Variants in RIN2 observed in about 807,000 individuals in gnomAD.
RIN2 encodes Ras and Rab interactor 2.
Under a neutral mutation model 78.0 loss-of-function variants are expected in RIN2, and 36 were observed. The ratio of observed to expected loss-of-function variants is 0.46; its 90% CI spans 0.35 to 0.61. The LOEUF (loss-of-function observed/expected upper bound fraction) is 0.61. Ranked by LOEUF, RIN2 falls within the 20% of genes least tolerant of loss-of-function variation. RIN2 has a pLI of 0.00. For synonymous variants in RIN2, 466 were observed against 466.8 expected, an observed-to-expected ratio of 1.00 and a Z score of 0.02; for missense variants, 1,087 against 1,159.7, an observed-to-expected ratio of 0.94 and a Z score of 0.91.
chr20:19,895,149 C>G (rs2038663927), intron 3 of RIN2, among the ~76,000 whole-genome samples: 1 of 152,156 alleles, frequency 6.6e-6, no homozygotes, highest in African/African-American at 2.4e-5. Flanking sequence ...GGGCTGGTAT[C>G]TTCCTTTAGT....
chr20:19,876,392 C>T (rs1348004254), intron 2 of RIN2, among the ~76,000 whole-genome samples: 1 of 151,772 alleles, frequency 6.6e-6, no homozygotes, highest in African/African-American at 2.4e-5. Context: ...AAGGGGTAGA[C>T]TATAATTCAA....
intron 2 of RIN2, among the ~76,000 whole-genome samples, chr20:19,881,222 G>A (rs143057550): frequency 6.6e-6 from 1 of 152,186 alleles, no homozygotes; most frequent in Non-Finnish European, 1.5e-5. Context: ...AACTTTCCAA[G>A]TCTGTTGATG....
intron 2 of RIN2, among the ~76,000 whole-genome samples, chr20:19,868,352 G>T (rs368230235): frequency 1.3e-5 from 2 of 152,212 alleles, no homozygotes; most frequent in African/African-American, 4.8e-5. Flanking sequence ...CATGTGGCTT[G>T]AGTAACAGGG....
chr20:19,793,308 AC>A (rs2034947133), intron 1 of RIN2, among the ~76,000 whole-genome samples: 1 of 152,236 alleles, frequency 6.6e-6, no homozygotes, highest in Non-Finnish European at 1.5e-5. Flanking sequence ...TTTTCTACTT[AC>A]AAAGCATTCC....
intron 2 of RIN2, among the ~76,000 whole-genome samples, chr20:19,868,586 T>C (rs2037581809): frequency 6.6e-6 from 1 of 152,044 alleles, no homozygotes; most frequent in African/African-American, 2.4e-5. Context: ...GGGCAGACCG[T>C]GAACATTCGA....
At chr20:19,961,853 A>G (rs1188360025) in intron 6 of RIN2, among the ~76,000 whole-genome samples, 1 of 152,200 alleles carries the variant, frequency 6.6e-6, no homozygotes, top group Non-Finnish European at 1.5e-5. Context: ...AACCCAGCCA[A>G]TAATGTAAAT....
intron 2 of RIN2, chr20:19,886,521 C>A (rs1311802098): frequency 1.7e-6 from 1 of 579,312 alleles, no homozygotes; most frequent in South Asian, 2.4e-5. Flanking sequence ...CGTTTACATT[C>A]TTTCAGTGGT....
intron 5 of RIN2, among the ~76,000 whole-genome samples, chr20:19,959,634 A>T (rs867281717): frequency 1.3e-5 from 2 of 152,248 alleles, no homozygotes; most frequent in Non-Finnish European, 1.5e-5. Flanking sequence ...AGCAAAGATT[A>T]GGCAGGGAAA....
intron 4 of RIN2, among the ~76,000 whole-genome samples, chr20:19,936,252 C>T (rs1328879315): frequency 6.6e-6 from 1 of 152,208 alleles, no homozygotes; most frequent in Non-Finnish European, 1.5e-5. Flanking sequence ...GATGGTCCCC[C>T]TGCTCCTTGC....
chr20:19,887,117 C>T (rs1210725878), intron 2 of RIN2, among the ~76,000 whole-genome samples: 3 of 151,848 alleles, frequency 2.0e-5, no homozygotes. Flanking sequence ...CCTCAATCTC[C>T]TGGGCTCAAG....
chr20:19,905,267 G>A (rs2123677208), intron 3 of RIN2, among the ~76,000 whole-genome samples: 1 of 152,298 alleles, frequency 6.6e-6, no homozygotes, highest in South Asian at 2.1e-4. Context: ...GCAGACTCCT[G>A]TCATGTGCAT....
chr20:19,934,402 A>T, intron 3 of RIN2: 1 of 866,886 alleles, frequency 1.2e-6, no homozygotes, highest in Non-Finnish European at 1.4e-6. Flanking sequence ...GAAAGATTTT[A>T]GACCAGCCTG....
At position 19,886,803 on chromosome 20, in the gene RIN2, T is replaced by C. The variant is rs1369032158; in HGVS notation, c.-36-2763T>C. 2.1e-6 allele frequency: 3 copies of C among 1,417,804 alleles called. No homozygotes were observed. In the African/African-American group the frequency reaches 4.3e-5, roughly 20 times the overall value. 87.8% of individuals were successfully genotyped at this position (1,417,804 alleles called of 1,614,324 possible). On this transcript the variant is annotated intron_variant, in intron 2 of 12. Transcript: ENST00000255006. ...ACGGTACCCTTTTTGTTTCTTAGTCTAGCCTGTTACTGGGATGGTTTTAGG... is the reference window on the plus strand; with the variant it reads ...ACGGTACCCTTTTTGTTTCTTAGTCCAGCCTGTTACTGGGATGGTTTTAGG...
At chr20:19,767,632 C>T (rs747852342) in intron 1 of RIN2, among the ~76,000 whole-genome samples, 3 of 151,938 alleles carry the variant, frequency 2.0e-5, no homozygotes, top group African/African-American at 4.8e-5. Flanking sequence ...ACTTAGAATG[C>T]GAGGCTCCTG....
At chr20:19,820,193 G>A (rs1335728777) in intron 2 of RIN2, among the ~76,000 whole-genome samples, 2 of 152,104 alleles carry the variant, frequency 1.3e-5, no homozygotes, top group African/African-American at 4.8e-5. Flanking sequence ...CTTGTTTTGT[G>A]ACAGTTATAA....
chr20:19,886,736 C>T, intron 2 of RIN2: 1 of 1,548,604 alleles, frequency 6.5e-7, no homozygotes, highest in Non-Finnish European at 8.7e-7. Flanking sequence ...AACAAGCTTC[C>T]AACCGGTACA....
intron 3 of RIN2, among the ~76,000 whole-genome samples, chr20:19,910,414 C>T (rs1452970252): frequency 6.6e-6 from 1 of 152,042 alleles, no homozygotes; most frequent in Non-Finnish European, 1.5e-5. Flanking sequence ...CTCAAGTCGT[C>T]TGTTCACCTT....
At chr20:19,844,411 C>A (rs2036669931) in intron 2 of RIN2, among the ~76,000 whole-genome samples, 1 of 152,140 alleles carries the variant, frequency 6.6e-6, no homozygotes, top group South Asian at 2.1e-4. Flanking sequence ...AGCATGCAAC[C>A]ATATTGCTTT....
intron 3 of RIN2, among the ~76,000 whole-genome samples, chr20:19,905,544 G>A (rs939982687): frequency 6.6e-6 from 1 of 152,070 alleles, no homozygotes; most frequent in Non-Finnish European, 1.5e-5. Flanking sequence ...TCAACACAGT[G>A]AGACCCCATC....
Sources: allele counts gnomAD v4.1 joint callset (sites outside exome capture counted in the v4.1 genomes callset), GRCh38; gene constraint gnomAD v4.1.1; transcripts MANE v1.5; gene names NCBI Gene and HGNC (gene_info 2026-07-23, HGNC 2026-07-21).